The following AOPEP variants were observed in gnomAD, a reference collection of about 807,000 sequenced individuals.
The protein encoded by AOPEP is aminopeptidase O.
AOPEP carries 77 observed loss-of-function variants against 98.1 expected under a neutral mutation model. That is an observed-to-expected ratio of 0.78 (90% CI 0.65 to 0.95). The LOEUF is 0.95. Ranked by LOEUF, AOPEP falls within the 40% of genes least tolerant of loss-of-function variation. The probability of loss-of-function intolerance (pLI) is 0.00; values close to 1 mark genes in which losing one functional copy is unlikely to be tolerated. For synonymous variants in AOPEP, 346 were observed against 365.3 expected, an observed-to-expected ratio of 0.95 and a Z score of 0.60; for missense variants, 1,024 against 1,024.7, an observed-to-expected ratio of 1.00 and a Z score of 0.01.
intron 2 of AOPEP, 182 bp downstream of exon 2, chr9:94,760,762 A>C: frequency 2.1e-6 from 1 of 484,372 alleles, no homozygotes; most frequent in Non-Finnish European, 3.6e-6. Flanking sequence ...TAAACCCTTA[A>C]TAGGATTAGC....
intron 13 of AOPEP, among the ~76,000 whole-genome samples, chr9:95,035,269 C>T (rs2064701106): frequency 1.3e-5 from 2 of 151,990 alleles, no homozygotes; most frequent in African/African-American, 4.8e-5. Flanking sequence ...CAGTTTTCTC[C>T]TGAACCTGGA....
chr9:94,904,918 A>T (rs929171181), intron 5 of AOPEP, among the ~76,000 whole-genome samples: 2 of 152,230 alleles, frequency 1.3e-5, no homozygotes, highest in African/African-American at 4.8e-5. Context: ...TGGAGTGCTG[A>T]TATAACATGA....
intron 13 of AOPEP, among the ~76,000 whole-genome samples, chr9:95,044,956 T>C (rs986044873): frequency 6.6e-6 from 1 of 152,344 alleles, no homozygotes; most frequent in Non-Finnish European, 1.5e-5. Context: ...CATCTCAGGC[T>C]GTGCAGAGTT....
chr9:94,755,508 T>G (rs1432969338), intron 1 of AOPEP, among the ~76,000 whole-genome samples: 1 of 152,154 alleles, frequency 6.6e-6, no homozygotes, highest in African/African-American at 2.4e-5. Context: ...TTATATATAA[T>G]TTAGGTTGGA....
At chr9:94,863,280 CTTTTTTT>C (rs11299544) in intron 5 of AOPEP, among the ~76,000 whole-genome samples, 4 of 91,598 alleles carry the variant, frequency 4.4e-5, no homozygotes, top group African/African-American at 1.0e-4. Flanking sequence ...CTCTTTTTCT[CTTTTTTT>C]TTTTTTTTTT....
At chr9:95,018,822 CG>C (rs1355824491) in intron 13 of AOPEP, 1 of 152,212 alleles carries the variant, frequency 6.6e-6, no homozygotes, top group East Asian at 1.9e-4. Flanking sequence ...AGGGCAGATA[CG>C]TGCCTCGTCA....
At chr9:94,905,980 G>A (rs984528880) in intron 5 of AOPEP, among the ~76,000 whole-genome samples, 23 of 152,166 alleles carry the variant, frequency 1.5e-4, no homozygotes, top group African/African-American at 5.6e-4. Context: ...AGTATCTACT[G>A]TGAAAATTTG....
intron 16 of AOPEP, chr9:95,085,932 C>G (rs2070619482): frequency 7.7e-7 from 1 of 1,292,816 alleles, no homozygotes; most frequent in South Asian, 1.3e-5. Flanking sequence ...ATTTGCAGTC[C>G]AGGCCTTCGC....
chr9:94,996,350 C>G (rs868006214), intron 11 of AOPEP, among the ~76,000 whole-genome samples: 3 of 141,782 alleles, frequency 2.1e-5, no homozygotes, highest in Non-Finnish European at 3.1e-5. Flanking sequence ...TTACTTGCCT[C>G]TGTGTGTGTG....
chr9:94,956,126 C>T lies in AOPEP; in HGVS notation c.1872+111C>T. 5 of 641,910 alleles carry T rather than the reference C, an allele frequency of 7.8e-6. No individual in the cohort carries two copies. In the South Asian group the frequency reaches 9.7e-5, roughly 12 times the overall value. The allele number at this position is 641,910 out of a possible 1,614,324, so 39.8% of individuals were successfully genotyped here. A position where few individuals can be genotyped will look rare whatever the true frequency, so the allele number is the denominator to read the frequency against. On this transcript the variant is annotated intron_variant, in intron 9 of 16. Transcript: ENST00000375315. ...TAGGGAAAAGGTTTCCCATTTAATG[C>T]AGTGGGAAAAATAGGAAGTTAATGA...
chr9:95,044,327 A>G (rs578061740), intron 13 of AOPEP, among the ~76,000 whole-genome samples: 8 of 151,890 alleles, frequency 5.3e-5, no homozygotes, highest in Admixed American at 2.0e-4. Flanking sequence ...ATGGAAACTT[A>G]GATCCTGCTA....
intron 3 of AOPEP, among the ~76,000 whole-genome samples, chr9:94,789,846 G>T (rs111890877): frequency 6.6e-6 from 1 of 151,808 alleles, no homozygotes; most frequent in East Asian, 1.9e-4. Context: ...GGATTTGATT[G>T]TCCCTTTAAG....
At chr9:94,898,297 T>C (rs1280203128) in intron 5 of AOPEP, among the ~76,000 whole-genome samples, 1 of 152,146 alleles carries the variant, frequency 6.6e-6, no homozygotes, top group Non-Finnish European at 1.5e-5. Context: ...TGCTGCACCA[T>C]TCAGTGGAAT....
At chr9:95,069,901 A>C (rs1253394386) in intron 14 of AOPEP, among the ~76,000 whole-genome samples, 7 of 152,380 alleles carry the variant, frequency 4.6e-5, no homozygotes, top group Non-Finnish European at 4.4e-5. Flanking sequence ...TTGTCCTCTT[A>C]ACCCTGTGCC....
At chr9:94,749,932 T>G (rs912571248) in intron 1 of AOPEP, among the ~76,000 whole-genome samples, 37 of 152,240 alleles carry the variant, frequency 2.4e-4, no homozygotes, top group African/African-American at 8.7e-4. Flanking sequence ...TGTTTTATTT[T>G]AGACATTGTA....
chr9:94,743,626 G>T (rs1426856699), intron 1 of AOPEP, among the ~76,000 whole-genome samples: 2 of 152,184 alleles, frequency 1.3e-5, no homozygotes, highest in Non-Finnish European at 2.9e-5. Flanking sequence ...AACTCAAAAG[G>T]CTTCTACCAC....
intron 5 of AOPEP, among the ~76,000 whole-genome samples, chr9:94,907,365 C>CAG (rs779162399): frequency 6.6e-6 from 1 of 152,082 alleles, no homozygotes; most frequent in African/African-American, 2.4e-5. Flanking sequence ...CTGAGAGACC[C>CAG]AGAGGCTGGT....
chr9:95,036,702 C>CTTTTTTTTTTTT lies in AOPEP; in HGVS notation c.2116-23982_2116-23981insTTTTTTTTTTTT, dbSNP rs58616523. 1.4e-4 allele frequency among the ~76,000 whole-genome samples: 19 copies of CTTTTTTTTTTTT among 135,810 alleles called. 1 individual carries two copies. The highest frequency in any genetic ancestry group is 4.8e-4 in the African/African-American group (18 of 37,686). The allele number at this position is 135,810 out of a possible 152,430, so 89.1% of individuals were successfully genotyped here. On this transcript the variant is annotated intron_variant, in intron 13 of 16. Transcript: ENST00000375315. ...TTTCTTGTTCTTCTTTCTTCTTCTTCTTTTTTTTTTGTGGGGAATAAAACT... is the reference window on the plus strand; with the variant it reads ...TTTCTTGTTCTTCTTTCTTCTTCTTCTTTTTTTTTTTTTTTTTTTTTTGTGGGGAATAAAACT...
At chr9:95,126,487 CT>C in the AOPEP span, 2 of 1,584,416 alleles carry the variant, frequency 1.3e-6, no homozygotes, top group Non-Finnish European at 1.7e-6. Flanking sequence ...GAAATGGAAC[CT>C]TTTTTACATC....
Sources: gnomAD v4.1 joint callset for allele counts (sites outside exome capture counted in the v4.1 genomes callset) on GRCh38, gnomAD v4.1.1 for gene constraint, MANE v1.5 for transcripts, NCBI Gene and HGNC (gene_info 2026-07-23, HGNC 2026-07-21) for gene names.